The following ERC1 variants were observed in gnomAD, a reference collection of about 807,000 sequenced individuals.
The protein encoded by ERC1 is RAB6 interacting protein 2.
A neutral mutation model predicts 132.0 loss-of-function variants in ERC1; 56 were observed. The observed-to-expected ratio is 0.42, with a 90% CI of 0.34 to 0.53. The LOEUF is 0.53. Among genes scored for constraint, ERC1 ranks in the 20% least tolerant of loss-of-function variants. The pLI is 0.03. For missense variants in ERC1, 1,202 were observed against 1,349.9 expected, an observed-to-expected ratio of 0.89 and a Z score of 1.72; for synonymous variants, 478 against 476.1, an observed-to-expected ratio of 1.00 and a Z score of -0.05.
chr12:1,224,249 A>C (rs1378045637), intron 12 of ERC1, among the ~76,000 whole-genome samples: 4 of 152,188 alleles, frequency 2.6e-5, no homozygotes, highest in Non-Finnish European at 4.4e-5. Context: ...AACCATGTGC[A>C]TGCACACACA....
chr12:1,217,449 G>A (rs1223549182), intron 12 of ERC1, among the ~76,000 whole-genome samples: 2 of 152,188 alleles, frequency 1.3e-5, no homozygotes, highest in Non-Finnish European at 2.9e-5. Context: ...TGGGTTCTCT[G>A]CTTTGCTTTT....
intron 18 of ERC1, among the ~76,000 whole-genome samples, chr12:1,470,642 T>A (rs1368389912): frequency 6.6e-6 from 1 of 152,124 alleles, no homozygotes; most frequent in Non-Finnish European, 1.5e-5. Context: ...AATTTGAACG[T>A]CTCTGTTCAC....
intron 1 of ERC1, among the ~76,000 whole-genome samples, chr12:1,010,077 T>C (rs1054180620): frequency 2.0e-5 from 3 of 152,214 alleles, no homozygotes; most frequent in African/African-American, 7.2e-5. Flanking sequence ...AATTCTACCT[T>C]AGTGAGTACA....
At chr12:1,204,306 TAAGA>T (rs1224588332) in intron 12 of ERC1, among the ~76,000 whole-genome samples, 2 of 152,114 alleles carry the variant, frequency 1.3e-5, no homozygotes, top group Non-Finnish European at 2.9e-5. Context: ...TGTAATCTAA[TAAGA>T]AAGTAAATTT....
At chr12:1,147,580 G>A (rs1000567108) in intron 8 of ERC1, among the ~76,000 whole-genome samples, 2 of 152,128 alleles carry the variant, frequency 1.3e-5, no homozygotes, top group African/African-American at 4.8e-5. Flanking sequence ...AACTTTTAGT[G>A]GATTAGAAGT....
intron 2 of ERC1, among the ~76,000 whole-genome samples, chr12:1,052,723 A>T (rs963346941): frequency 6.6e-6 from 1 of 152,214 alleles, no homozygotes; most frequent in Non-Finnish European, 1.5e-5. Flanking sequence ...TAGTCCCAGC[A>T]TTTTGGGAGG....
At chr12:1,317,180 A>G (rs2081805628) in intron 15 of ERC1, among the ~76,000 whole-genome samples, 1 of 151,996 alleles carries the variant, frequency 6.6e-6, no homozygotes, top group African/African-American at 2.4e-5. Context: ...AAAAAAAAAA[A>G]AAAGAAAATG....
chr12:1,154,351 TTA>T (rs1491306974), intron 8 of ERC1, among the ~76,000 whole-genome samples: 1 of 54,096 alleles, frequency 1.8e-5, no homozygotes, highest in Non-Finnish European at 3.7e-5. Flanking sequence ...CCATGTGTGT[TTA>T]TACACACACA....
rs1014697948 is a variant in ERC1 at position 1,488,913 on chromosome 12, C to G, written c.3214-1180C>G. The stretch of plus-strand genomic sequence containing the variant: ...CCTTGCATCAGCCTTGCCTAACCCC[C>G]ACCTGGGCTGCGAGCAGGAGCTGCC... On this transcript the variant is annotated intron_variant, in intron 18 of 18. Coordinates refer to ENST00000360905, the MANE Select transcript of ERC1 (RefSeq NM_178040.4). Among the ~76,000 whole-genome samples the G allele has an allele frequency of 7.9e-5, 12 of 152,330 alleles. 2 individuals are homozygous for G. Among genetic ancestry groups the G allele is most frequent in the Admixed American group, 7.8e-4 (12 of 15,308 alleles).
intron 16 of ERC1, among the ~76,000 whole-genome samples, chr12:1,404,601 A>G (rs570306908): frequency 3.2e-4 from 48 of 152,218 alleles, no homozygotes; most frequent in Non-Finnish European, 6.0e-4. Context: ...TACATCTCCC[A>G]AATCAAAGTA....
At chr12:1,306,401 C>G (rs916118295) in intron 15 of ERC1, among the ~76,000 whole-genome samples, 3 of 152,192 alleles carry the variant, frequency 2.0e-5, no homozygotes, top group African/African-American at 7.2e-5. Context: ...AAACCACGTT[C>G]AGTTGCTAAT....
intron 3 of ERC1, among the ~76,000 whole-genome samples, chr12:1,094,439 C>T (rs1265459481): frequency 3.1e-5 from 4 of 127,910 alleles, no homozygotes; most frequent in African/African-American, 8.2e-5. Context: ...GCAACAGAGT[C>T]TCGCTCTATC....
intron 16 of ERC1, among the ~76,000 whole-genome samples, chr12:1,394,383 G>A (rs751219908): frequency 7.2e-5 from 11 of 152,312 alleles, no homozygotes; most frequent in African/African-American, 2.6e-4. Flanking sequence ...CTGGGTGACA[G>A]AGCAAGACTC....
chr12:1,283,525 T>C (rs1438493951), intron 14 of ERC1, among the ~76,000 whole-genome samples: 1 of 152,200 alleles, frequency 6.6e-6, no homozygotes, highest in East Asian at 1.9e-4. Flanking sequence ...GTAATTAAAT[T>C]TGACTTTGAA....
chr12:1,043,519 G>C (rs1970612982), intron 2 of ERC1, among the ~76,000 whole-genome samples: 1 of 152,090 alleles, frequency 6.6e-6, no homozygotes, highest in East Asian at 1.9e-4. Flanking sequence ...GAATAACTGG[G>C]GGCAGAAGGT....
rs56939346 is a variant in ERC1, at chr12:1,493,548, A to AAAAAAAAATATATATATATAT, written c.*3319_*3320insAAAAAAATATATATATATATA. On this transcript the variant is annotated 3_prime_UTR_variant, in exon 19 of 19. Coordinates refer to ENST00000360905, the MANE Select transcript of ERC1 (RefSeq NM_178040.4). ...ACTCCATTTAAAAAAAAAAAAAAAA[A>AAAAAAAAATATATATATATAT]ATATATATATATATATATATATATA... 2 of 13,618 alleles carry AAAAAAAAATATATATATATAT rather than the reference A, an allele frequency of 1.5e-4. No homozygotes were observed. Among genetic ancestry groups the AAAAAAAAATATATATATATAT allele is most frequent in the Non-Finnish European group, 2.9e-4 (2 of 6,820 alleles). The allele number at this position is 13,618 out of a possible 1,614,324, so 0.8% of individuals were successfully genotyped here.
At chr12:1,470,416 T>A (rs1008996190) in intron 18 of ERC1, among the ~76,000 whole-genome samples, 2 of 152,034 alleles carry the variant, frequency 1.3e-5, no homozygotes, top group African/African-American at 4.8e-5. Context: ...AGCATTAGGT[T>A]TCTTATTAGT....
chr12:1,407,840 C>T (rs2091601759), intron 16 of ERC1, among the ~76,000 whole-genome samples: 1 of 151,974 alleles, frequency 6.6e-6, no homozygotes, highest in South Asian at 2.1e-4. Context: ...TTACGAAGCC[C>T]AGTCCTATCA....
At chr12:1,292,698 A>G (rs1165123837) in intron 15 of ERC1, among the ~76,000 whole-genome samples, 2 of 152,216 alleles carry the variant, frequency 1.3e-5, no homozygotes, top group African/African-American at 4.8e-5. Context: ...AGAAAAGTAG[A>G]GTACAATTGT....
Sources: allele counts gnomAD v4.1 joint callset (sites outside exome capture counted in the v4.1 genomes callset), GRCh38; gene constraint gnomAD v4.1.1; transcripts MANE v1.5; gene names NCBI Gene and HGNC (gene_info 2026-07-23, HGNC 2026-07-21).